The following PSMD14 variants were observed in gnomAD, a reference collection of about 807,000 sequenced individuals.
PSMD14 encodes proteasome 26S subunit, non-ATPase 14, also known as ubiquitin C-terminal hydrolase PSMD14.
A neutral mutation model predicts 41.2 loss-of-function variants in PSMD14; 7 were observed. The observed-to-expected ratio is 0.17, with a 90% CI of 0.10 to 0.32. The LOEUF (loss-of-function observed/expected upper bound fraction) is 0.32. Among genes scored for constraint, PSMD14 ranks in the 10% least tolerant of loss-of-function variants. The probability of loss-of-function intolerance (pLI) is 1.00; values close to 1 mark genes in which losing one functional copy is unlikely to be tolerated. For missense variants in PSMD14, 139 were observed against 375.6 expected (o/e 0.37, Z 5.21); for synonymous variants, 114 against 122.3 (o/e 0.93, Z 0.45).
chr2:161,328,689 G>A (rs2105235393), intron 3 of PSMD14, among the ~76,000 whole-genome samples: 1 of 152,146 alleles, frequency 6.6e-6, no homozygotes, highest in East Asian at 1.9e-4. Context: ...TTGTCTAACT[G>A]AATAACTGAA....
intron 9 of PSMD14, among the ~76,000 whole-genome samples, chr2:161,393,648 C>T (rs1421403553): frequency 6.6e-6 from 1 of 152,128 alleles, no homozygotes; most frequent in African/African-American, 2.4e-5. Context: ...TCAGGGATCT[C>T]ATTTAAAGTA....
At position 161,388,642 on chromosome 2, in the gene PSMD14, G is replaced by A. The variant is rs370890741; in HGVS notation, c.571-2462G>A. ...TATTCAAAAAGCTTCATTTTAGAAC[G>A]TGATTTAAAGGATATCAGTTACCAC... is the stretch of plus-strand genomic sequence containing the variant. On this transcript the variant is annotated intron_variant, in intron 8 of 11. Coordinates refer to ENST00000409682, the MANE Select transcript of PSMD14 (RefSeq NM_005805.6). Among the ~76,000 whole-genome samples the A allele has an allele frequency of 2.2e-4, 34 of 152,130 alleles. 2 individuals are homozygous for A. The South Asian group carries it at 6.6e-3, about 30-fold the overall frequency.
chr2:161,371,437 CTGTT>C (rs1445059106), intron 7 of PSMD14, 115 bp downstream of exon 7: 4 of 1,102,916 alleles, frequency 3.6e-6, no homozygotes, highest in Admixed American at 3.0e-5. Flanking sequence ...AAGCTGCTGT[CTGTT>C]TACTTAAAAA....
intron 1 of PSMD14, among the ~76,000 whole-genome samples, chr2:161,309,493 G>A (rs1403714022): frequency 2.6e-5 from 4 of 152,194 alleles, no homozygotes; most frequent in African/African-American, 9.7e-5. Context: ...CTGACTTAAT[G>A]TGTTTGAGAA....
chr2:161,335,528 C>T (rs963369711), intron 3 of PSMD14, among the ~76,000 whole-genome samples: 2 of 152,228 alleles, frequency 1.3e-5, no homozygotes, highest in African/African-American at 4.8e-5. Context: ...TTGTCTCATC[C>T]CATATCCATA....
intron 3 of PSMD14, among the ~76,000 whole-genome samples, chr2:161,354,486 G>A (rs137859411): frequency 1.2e-3 from 124 of 105,384 alleles, no homozygotes; most frequent in African/African-American, 4.5e-3. Flanking sequence ...TATAACAAAG[G>A]TAGTCGAGCA....
intron 7 of PSMD14, among the ~76,000 whole-genome samples, chr2:161,377,968 A>T (rs1377422657): frequency 6.6e-6 from 1 of 151,938 alleles, no homozygotes; most frequent in Non-Finnish European, 1.5e-5. Context: ...GGAAACGTGG[A>T]AACTATGACT....
At chr2:161,318,551 G>C (rs1249045180) in intron 2 of PSMD14, among the ~76,000 whole-genome samples, 1 of 152,126 alleles carries the variant, frequency 6.6e-6, no homozygotes, top group African/African-American at 2.4e-5. Flanking sequence ...TTAACTTAAT[G>C]ATAGCAAAGT....
At chr2:161,324,633 CTTT>C (rs553134295) in intron 3 of PSMD14, among the ~76,000 whole-genome samples, 1 of 131,798 alleles carries the variant, frequency 7.6e-6, no homozygotes, top group Non-Finnish European at 1.7e-5. Context: ...TTCTTTCTTT[CTTT>C]TTTTTTTTTT....
chr2:161,320,681 G>T (rs185452321), intron 3 of PSMD14, among the ~76,000 whole-genome samples: 3 of 151,934 alleles, frequency 2.0e-5, no homozygotes, highest in African/African-American at 7.2e-5. Context: ...GAAACGTTAA[G>T]TGTATTTTTT....
At chr2:161,362,158 C>T (rs985097427) in intron 3 of PSMD14, among the ~76,000 whole-genome samples, 11 of 152,242 alleles carry the variant, frequency 7.2e-5, no homozygotes, top group South Asian at 2.1e-4. Context: ...CTCAGCCTTT[C>T]GGGTTCAAGC....
chr2:161,395,337 C>A (rs1683778608), intron 10 of PSMD14, 134 bp downstream of exon 10: 2 of 887,782 alleles, frequency 2.3e-6, no homozygotes, highest in East Asian at 2.9e-5. Context: ...CTTTGCAGTT[C>A]ATCTGGTCTG....
At chr2:161,338,091 A>C (rs1682894110) in intron 3 of PSMD14, among the ~76,000 whole-genome samples, 1 of 152,228 alleles carries the variant, frequency 6.6e-6, no homozygotes, top group Non-Finnish European at 1.5e-5. Context: ...CTCAATAAGT[A>C]ATTTAACCTC....
intron 11 of PSMD14, among the ~76,000 whole-genome samples, chr2:161,409,375 G>A (rs1382294747): frequency 6.6e-6 from 1 of 152,016 alleles, no homozygotes; most frequent in East Asian, 1.9e-4. Context: ...ATATATTTTA[G>A]TCTCTATTAT....
chr2:161,332,518 A>T (rs765726356), intron 3 of PSMD14, among the ~76,000 whole-genome samples: 2 of 152,240 alleles, frequency 1.3e-5, no homozygotes, highest in Non-Finnish European at 2.9e-5. Flanking sequence ...TAGACTTGCC[A>T]ATTAGCCATC....
At chr2:161,388,758 T>A (rs1055272350) in intron 8 of PSMD14, among the ~76,000 whole-genome samples, 1 of 152,176 alleles carries the variant, frequency 6.6e-6, no homozygotes, top group Admixed American at 6.5e-5. Context: ...ATGAAAACTT[T>A]TAAAAACTTA....
chr2:161,322,042 G>A (rs909202886), intron 3 of PSMD14, among the ~76,000 whole-genome samples: 3 of 152,076 alleles, frequency 2.0e-5, no homozygotes, highest in Non-Finnish European at 4.4e-5. Context: ...TCTAATTACC[G>A]TGTTGGTCTT....
chr2:161,394,139 T>G (rs548845146), intron 9 of PSMD14, among the ~76,000 whole-genome samples: 42 of 151,902 alleles, frequency 2.8e-4, no homozygotes, highest in African/African-American at 8.2e-4. Context: ...ACCCAGCTAA[T>G]TTTTGTGTTT....
chr2:161,366,959 G>T (rs193213242), intron 3 of PSMD14, among the ~76,000 whole-genome samples: 1 of 152,250 alleles, frequency 6.6e-6, no homozygotes, highest in Non-Finnish European at 1.5e-5. Context: ...TGTTGTATAG[G>T]GGGAGGGGAA....
Sources: allele counts gnomAD v4.1 joint callset (sites outside exome capture counted in the v4.1 genomes callset), GRCh38; gene constraint gnomAD v4.1.1; transcripts MANE v1.5; gene names NCBI Gene and HGNC (gene_info 2026-07-23, HGNC 2026-07-21).